LRGUK: variants seen among roughly 807,000 people sequenced by gnomAD.
The protein encoded by LRGUK is leucine-rich repeat and guanylate kinase domain-containing protein.
Under a neutral mutation model 76.0 loss-of-function variants are expected in LRGUK, and 65 were observed. The ratio of observed to expected loss-of-function variants is 0.85; its 90% CI spans 0.70 to 1.05. The LOEUF (loss-of-function observed/expected upper bound fraction) is 1.05. Ranked by LOEUF, LRGUK falls within the 50% of genes least tolerant of loss-of-function variation. LRGUK has a pLI of 0.00. For missense variants in LRGUK, 758 were observed against 732.8 expected, an observed-to-expected ratio of 1.03 and a Z score of -0.40; for synonymous variants, 268 against 265.6, an observed-to-expected ratio of 1.01 and a Z score of -0.09.
intron 15 of LRGUK, among the ~76,000 whole-genome samples, chr7:134,217,803 A>G (rs1801475957): frequency 6.6e-6 from 1 of 152,074 alleles, no homozygotes; most frequent in South Asian, 2.1e-4. Context: ...GCTCTTTTTT[A>G]TGACTACATA....
chr7:134,266,073 T>A (rs530816073), downstream of LRGUK, among the ~76,000 whole-genome samples: 59 of 152,312 alleles, frequency 3.9e-4, no homozygotes, highest in South Asian at 2.5e-3. Context: ...AGAGGCCAAG[T>A]GGAGAACTTG....
chr7:134,200,999 C>T (rs1333987678), intron 14 of LRGUK, among the ~76,000 whole-genome samples: 3 of 152,154 alleles, frequency 2.0e-5, no homozygotes, highest in East Asian at 3.9e-4. Flanking sequence ...CAAGAATTAT[C>T]CTCAGTTTCT....
intron 13 of LRGUK, 66 bp from the exon 14 acceptor site, chr7:134,199,154 T>C (rs554881070): frequency 1.5e-6 from 2 of 1,321,250 alleles, no homozygotes; most frequent in East Asian, 2.3e-5. Flanking sequence ...TGTTGTCAGA[T>C]GGCTCCAAAA....
At chr7:134,209,569 G>C in exon 16 of LRGUK, 1 of 399,168 alleles carries the variant, frequency 2.5e-6, no homozygotes, top group Non-Finnish European at 4.4e-6. Context: ...AGCCTCAGGT[G>C]CTGGCTCCCC....
rs78465603 is a variant in LRGUK, at chr7:134,129,861, C to T, written c.297+2197C>T. 1.9e-3 allele frequency among the ~76,000 whole-genome samples: 295 copies of T among 152,248 alleles called. 2 individuals are homozygous for T. The highest frequency in any genetic ancestry group is 6.9e-3 in the African/African-American group (285 of 41,560). On this transcript the variant is annotated intron_variant, in intron 1 of 15. Transcript: ENST00000645682. The stretch of plus-strand genomic sequence containing the variant: ...GCATCTATTCACAGTCACCTTTTCT[C>T]TTTGAGGCCAAACATATTTCTGTGT...
chr7:134,248,402 G>A (rs1479193070), intron 17 of LRGUK, among the ~76,000 whole-genome samples: 1 of 152,204 alleles, frequency 6.6e-6, no homozygotes, highest in Non-Finnish European at 1.5e-5. Flanking sequence ...CAAGTCTGAA[G>A]AACAGCAGGG....
intron 7 of LRGUK, among the ~76,000 whole-genome samples, chr7:134,164,409 C>T (rs774972393): frequency 1.6e-4 from 24 of 152,090 alleles, no homozygotes; most frequent in Admixed American, 1.0e-3. Context: ...GGCTTAATAA[C>T]GCACACTTTA....
chr7:134,271,953 T>C, the LRGUK span, among the ~76,000 whole-genome samples: 2 of 152,166 alleles, frequency 1.3e-5, no homozygotes, highest in African/African-American at 4.8e-5. Context: ...GATAGTATAA[T>C]AAAAAATAAC....
At chr7:134,262,706 G>C (rs1802761247) in intron 19 of LRGUK, among the ~76,000 whole-genome samples, 1 of 152,190 alleles carries the variant, frequency 6.6e-6, no homozygotes, top group Non-Finnish European at 1.5e-5. Flanking sequence ...AGTGGCTCAT[G>C]CCTGTAATCC....
At chr7:134,128,467 C>A (rs1797125327) in intron 1 of LRGUK, among the ~76,000 whole-genome samples, 2 of 152,234 alleles carry the variant, frequency 1.3e-5, no homozygotes, top group Admixed American at 1.3e-4. Context: ...TTGTCCTTTT[C>A]CACTTCTCAT....
At chr7:134,195,129 C>G (rs781131276) in intron 12 of LRGUK, among the ~76,000 whole-genome samples, 2 of 152,032 alleles carry the variant, frequency 1.3e-5, no homozygotes, top group Non-Finnish European at 2.9e-5. Context: ...TCAGATGAGC[C>G]AGTTTATCGA....
At chr7:134,177,661 T>C (rs1346639017) in intron 9 of LRGUK, among the ~76,000 whole-genome samples, 3 of 152,126 alleles carry the variant, frequency 2.0e-5, no homozygotes, top group African/African-American at 7.2e-5. Flanking sequence ...AAATCTCTAC[T>C]AATGAGGGAT....
the LRGUK span, among the ~76,000 whole-genome samples, chr7:134,272,395 T>C: frequency 4.1e-4 from 63 of 152,266 alleles, no homozygotes; most frequent in African/African-American, 1.5e-3. Context: ...CCTTCTCTTC[T>C]TTCCTTTCCC....
chr7:134,255,938 C>G (rs1206923533), intron 18 of LRGUK, among the ~76,000 whole-genome samples: 1 of 152,098 alleles, frequency 6.6e-6, no homozygotes, highest in African/African-American at 2.4e-5. Flanking sequence ...TCTATAAATA[C>G]TTCAATCAGC....
intron 19 of LRGUK, among the ~76,000 whole-genome samples, chr7:134,262,531 C>T (rs189287446): frequency 1.4e-3 from 214 of 152,170 alleles, no homozygotes; most frequent in Middle Eastern, 0.014. Flanking sequence ...ATTCCGGCAC[C>T]CTGAGATGTA....
chr7:134,235,718 T>G (rs1301241524), intron 16 of LRGUK, among the ~76,000 whole-genome samples: 1 of 152,220 alleles, frequency 6.6e-6, no homozygotes, highest in African/African-American at 2.4e-5. Flanking sequence ...AGTGCTCAGT[T>G]AATACTTGTT....
intron 2 of LRGUK, among the ~76,000 whole-genome samples, chr7:134,138,822 A>T (rs1272498202): frequency 6.6e-6 from 1 of 152,162 alleles, no homozygotes; most frequent in Non-Finnish European, 1.5e-5. Flanking sequence ...GATTCAAGAG[A>T]CTTAGATACT....
chr7:134,241,913 G>T (rs1402486932), intron 16 of LRGUK, among the ~76,000 whole-genome samples: 2 of 152,142 alleles, frequency 1.3e-5, no homozygotes, highest in South Asian at 2.1e-4. Flanking sequence ...ACTCAAAACT[G>T]CTCAACTACA....
At chr7:134,217,701 A>C (rs961918015) in intron 15 of LRGUK, among the ~76,000 whole-genome samples, 1 of 152,148 alleles carries the variant, frequency 6.6e-6, no homozygotes, top group South Asian at 2.1e-4. Flanking sequence ...CTTCTTAATG[A>C]ACTAAACTTT....
Sources: gnomAD v4.1 joint callset for allele counts (sites outside exome capture counted in the v4.1 genomes callset) on GRCh38, gnomAD v4.1.1 for gene constraint, MANE v1.5 for transcripts, NCBI Gene and HGNC (gene_info 2026-07-23, HGNC 2026-07-21) for gene names.